ASNS: variants seen among roughly 807,000 people sequenced by gnomAD.
ASNS encodes asparagine synthetase [glutamine-hydrolyzing].
A neutral mutation model predicts 62.6 loss-of-function variants in ASNS; 37 were observed. The observed-to-expected ratio is 0.59, with a 90% CI of 0.45 to 0.78. ASNS has a LOEUF of 0.78. ASNS is among the 30% of genes least tolerant of loss of function. ASNS has a pLI of 0.00. For synonymous variants in ASNS, 207 were observed against 237.9 expected (o/e 0.87, Z 1.19); for missense variants, 520 against 682.4 (o/e 0.76, Z 2.65).
chr7:97,883,433 T>G, the ASNS span, among the ~76,000 whole-genome samples: 1 of 151,358 alleles, frequency 6.6e-6, no homozygotes, highest in South Asian at 2.1e-4. Flanking sequence ...CCAACCCACA[T>G]TCAGTGACCA....
At chr7:97,907,305 C>A in the ASNS span, among the ~76,000 whole-genome samples, 1 of 152,154 alleles carries the variant, frequency 6.6e-6, no homozygotes, top group Non-Finnish European at 1.5e-5. Context: ...ATTACAAACT[C>A]CCTTATAAAT....
chr7:97,875,364 C>T (rs1792416764), upstream of ASNS, among the ~76,000 whole-genome samples: 1 of 152,204 alleles, frequency 6.6e-6, no homozygotes, highest in Non-Finnish European at 1.5e-5. Context: ...GTCTTGAACT[C>T]CTGACCTCAA....
chr7:97,919,886 G>A, the ASNS span, among the ~76,000 whole-genome samples: 69 of 152,208 alleles, frequency 4.5e-4, no homozygotes, highest in Non-Finnish European at 9.3e-4. Context: ...ACCTGGAGCA[G>A]GTTAAATAAA....
chr7:97,913,414 A>G, the ASNS span, among the ~76,000 whole-genome samples: 1 of 152,166 alleles, frequency 6.6e-6, no homozygotes, highest in Non-Finnish European at 1.5e-5. Flanking sequence ...CCCTTCCCCT[A>G]TTGCAGAACT....
chr7:97,853,815 A>T (rs560802978), intron 10 of ASNS, among the ~76,000 whole-genome samples: 188 of 152,338 alleles, frequency 1.2e-3, no homozygotes, highest in Non-Finnish European at 2.2e-3. Flanking sequence ...AAAAATTCAC[A>T]TACAATATGC....
the ASNS span, among the ~76,000 whole-genome samples, chr7:97,903,884 G>T: frequency 6.6e-6 from 1 of 151,980 alleles, no homozygotes; most frequent in Non-Finnish European, 1.5e-5. Flanking sequence ...AGCATTGGTC[G>T]TGTTTTAATA....
chr7:97,855,347 G>A lies in ASNS; in HGVS notation c.1137+6C>T, dbSNP rs1331562265. Reference sequence around the variant, plus strand: ...CATGAATATCCCTCCACTTCAGAGTGGTTACCTTGTGAAAATATATGTAAC... The same window carrying A: ...CATGAATATCCCTCCACTTCAGAGTAGTTACCTTGTGAAAATATATGTAAC... On this transcript the variant is annotated splice_donor_region_variant and intron_variant, in intron 9 of 12. Transcript: ENST00000394308. The A allele has an allele frequency of 6.3e-7, 1 of 1,594,146 alleles. No homozygotes were observed.
the ASNS span, among the ~76,000 whole-genome samples, chr7:97,915,491 C>A: frequency 6.6e-6 from 1 of 152,194 alleles, no homozygotes. Flanking sequence ...ATGGCCCTGG[C>A]CCTCACGGTG....
intron 9 of ASNS, 42 bp from the exon 10 acceptor site, chr7:97,854,722 C>T: frequency 1.2e-6 from 2 of 1,612,986 alleles, no homozygotes; most frequent in Non-Finnish European, 1.7e-6. Context: ...GCTTTTGGCA[C>T]ACAAAGCAGT....
chr7:97,912,543 GATGGAGGAAGTGTTAACTTT>G, the ASNS span, among the ~76,000 whole-genome samples: 3 of 143,178 alleles, frequency 2.1e-5, no homozygotes, highest in Admixed American at 2.1e-4. Flanking sequence ...CTAGGGGAGA[GATGGAGGAAGTGTTAACTTT>G]GCTTTTTTTT....
the ASNS span, among the ~76,000 whole-genome samples, chr7:97,896,711 TACACACACACAC>T: frequency 2.3e-5 from 1 of 44,264 alleles, no homozygotes; most frequent in African/African-American, 6.0e-5. Flanking sequence ...TGTATATATA[TACACACACACAC>T]ACACACACAC....
At chr7:97,868,863 T>G in intron 3 of ASNS, 45 bp downstream of exon 3, 1 of 1,604,090 alleles carries the variant, frequency 6.2e-7, no homozygotes, top group South Asian at 1.1e-5. Flanking sequence ...ACCAACAAAC[T>G]CTGAAGTTTA....
chr7:97,915,884 A>C, the ASNS span, among the ~76,000 whole-genome samples: 1 of 152,230 alleles, frequency 6.6e-6, no homozygotes, highest in Non-Finnish European at 1.5e-5. Flanking sequence ...CAGATTCAGC[A>C]ATGACTAAAT....
chr7:97,901,489 G>A, the ASNS span, among the ~76,000 whole-genome samples: 2 of 152,236 alleles, frequency 1.3e-5, 1 homozygote, highest in East Asian at 3.9e-4. Flanking sequence ...CACCATGCCC[G>A]ATCTCAGTCA....
upstream of ASNS, among the ~76,000 whole-genome samples, chr7:97,876,909 T>C (rs9769905): frequency 6.6e-6 from 1 of 151,448 alleles, no homozygotes; most frequent in South Asian, 2.1e-4. Flanking sequence ...GACCTGGGGC[T>C]GAGTTCTAGC....
the ASNS span, among the ~76,000 whole-genome samples, chr7:97,914,887 T>C: frequency 6.6e-6 from 1 of 152,060 alleles, no homozygotes; most frequent in Admixed American, 6.5e-5. Context: ...CAGGCTGTAG[T>C]AATGGGGAAA....
chr7:97,854,718 G>A (rs780022799), intron 9 of ASNS, 38 bp from the exon 10 acceptor site: 1 of 1,613,166 alleles, frequency 6.2e-7, no homozygotes, highest in South Asian at 1.1e-5. Context: ...TTTTGCTTTT[G>A]GCACACAAAG....
chr7:97,900,360 CAAAA>C, the ASNS span, among the ~76,000 whole-genome samples: 226 of 89,374 alleles, frequency 2.5e-3, no homozygotes, highest in African/African-American at 0.011. Context: ...GACTTTGTCT[CAAAA>C]AAAAAAAAAA....
chr7:97,864,524 G>A, intron 3 of ASNS, 28 bp from the exon 4 acceptor site: 1 of 1,480,862 alleles, frequency 6.8e-7, no homozygotes, highest in South Asian at 1.1e-5. Flanking sequence ...AAACCAAAAT[G>A]TTAGACTCCT....
Sources: allele counts gnomAD v4.1 joint callset (sites outside exome capture counted in the v4.1 genomes callset), GRCh38; gene constraint gnomAD v4.1.1; transcripts MANE v1.5; gene names NCBI Gene and HGNC (gene_info 2026-07-23, HGNC 2026-07-21).